The following OR51B5 variants were observed in gnomAD, a reference collection of about 807,000 sequenced individuals.
OR51B5 encodes the protein olfactory receptor 51B5.
For missense variants in OR51B5, 456 were observed against 374.6 expected (o/e 1.22, Z -1.79); for synonymous variants, 186 against 144.8 (o/e 1.28, Z -2.04).
At chr11:5,475,265 T>G (rs1434600163) in intron 1 of OR51B5, among the ~76,000 whole-genome samples, 1 of 152,188 alleles carries the variant, frequency 6.6e-6, no homozygotes, top group Admixed American at 6.5e-5. Flanking sequence ...CGAACACTCA[T>G]ATTGCCTGTA....
intron 1 of OR51B5, chr11:5,455,076 A>G (rs1213603073): frequency 6.6e-6 from 1 of 152,268 alleles, no homozygotes; most frequent in African/African-American, 2.4e-5. Flanking sequence ...CATAAAATGT[A>G]TGAACAAATG....
intron 1 of OR51B5, among the ~76,000 whole-genome samples, chr11:5,369,867 AAC>A (rs1201405370): frequency 2.0e-5 from 3 of 152,220 alleles, no homozygotes; most frequent in African/African-American, 7.2e-5. Context: ...AAAATAAGTC[AAC>A]AGTTGTTAAA....
At chr11:5,461,261 G>A (rs1282831880) in intron 1 of OR51B5, among the ~76,000 whole-genome samples, 1 of 152,192 alleles carries the variant, frequency 6.6e-6, no homozygotes, top group Non-Finnish European at 1.5e-5. Flanking sequence ...CAGGCCAGGG[G>A]GTGGAGGCGA....
chr11:5,389,851 G>C, intron 1 of OR51B5: 1 of 1,613,856 alleles, frequency 6.2e-7, no homozygotes, highest in Non-Finnish European at 8.5e-7. Flanking sequence ...TCACTGGCCA[G>C]CAAGTGGTCA....
At chr11:5,366,504 G>A (rs1016005610) in intron 1 of OR51B5, among the ~76,000 whole-genome samples, 1 of 152,140 alleles carries the variant, frequency 6.6e-6, no homozygotes, top group Non-Finnish European at 1.5e-5. Flanking sequence ...AGCTACACAG[G>A]AGGCTGAGGT....
intron 1 of OR51B5, among the ~76,000 whole-genome samples, chr11:5,427,152 C>T (rs1850463554): frequency 6.7e-6 from 1 of 150,176 alleles, no homozygotes. Flanking sequence ...CTCCTTCTCC[C>T]CTATGAAGAT....
chr11:5,478,501 G>A (rs1462219952), intron 1 of OR51B5, among the ~76,000 whole-genome samples: 1 of 150,952 alleles, frequency 6.6e-6, no homozygotes, highest in Non-Finnish European at 1.5e-5. Flanking sequence ...ACGGAACAAA[G>A]CTGGATGGAG....
intron 1 of OR51B5, among the ~76,000 whole-genome samples, chr11:5,404,508 ATC>A (rs1305352515): frequency 6.6e-6 from 1 of 151,694 alleles, no homozygotes; most frequent in East Asian, 1.9e-4. Flanking sequence ...AAATGGACCA[ATC>A]AGCACTCTGT....
chr11:5,424,855 G>A lies in OR51B5; in HGVS notation n.85-77945C>T, dbSNP rs1371455485. Among the ~76,000 whole-genome samples, 48 of 104,426 alleles carry A rather than the reference G, an allele frequency of 4.6e-4. 9 individuals are homozygous for A. Among genetic ancestry groups the A allele is most frequent in the Non-Finnish European group, 2.9e-4 (13 of 44,892 alleles). 68.5% of individuals were successfully genotyped at this position (104,426 alleles called of 152,430 possible). A position where few individuals can be genotyped will look rare whatever the true frequency, so the allele number is the denominator to read the frequency against. On this transcript the variant is annotated intron_variant and non_coding_transcript_variant, in intron 1 of 4. Transcript: ENST00000415970. ...AAATTAGCCGGGCGTGGTGGCGGGC[G>A]CCTATAGTCCCAGCTACTCAGGAGG...
In OR51B5 at chr11:5,489,365, C is replaced by T. The variant is rs777777053; in HGVS notation, n.84+16204G>A. On this transcript the variant is annotated intron_variant and non_coding_transcript_variant, in intron 1 of 4. Coordinates refer to the OR51B5 transcript ENST00000415970. ...CTGGATTCCATTCTCATTGCCATTT[C>T]CTATGGCTTTATCCTCCATGCAGTC... The T allele has an allele frequency of 7.4e-6, 12 of 1,613,856 alleles. 1 individual carries two copies. In the South Asian group the frequency reaches 1.1e-4, roughly 15 times the overall value.
chr11:5,472,642 G>A (rs1350306856), intron 1 of OR51B5, among the ~76,000 whole-genome samples: 2 of 152,192 alleles, frequency 1.3e-5, no homozygotes, highest in South Asian at 4.1e-4. Context: ...CTCCCACTTA[G>A]AAGTTTCAAA....
chr11:5,371,838 C>A (rs1849453066), intron 1 of OR51B5, among the ~76,000 whole-genome samples: 2 of 152,152 alleles, frequency 1.3e-5, no homozygotes, highest in Non-Finnish European at 2.9e-5. Context: ...ATGCCATACA[C>A]TAGATCTCTA....
chr11:5,389,434 G>A (rs1472768168), intron 1 of OR51B5: 2 of 1,613,882 alleles, frequency 1.2e-6, no homozygotes, highest in South Asian at 2.2e-5. Flanking sequence ...CTCAATTCAT[G>A]CTGCTATCCA....
At chr11:5,370,823 A>T (rs1266043356) in intron 1 of OR51B5, among the ~76,000 whole-genome samples, 1 of 152,236 alleles carries the variant, frequency 6.6e-6, no homozygotes, top group Non-Finnish European at 1.5e-5. Context: ...AGAGAATAAC[A>T]AAATTTATGT....
intron 1 of OR51B5, among the ~76,000 whole-genome samples, chr11:5,502,312 TTC>T (rs1466076537): frequency 1.3e-5 from 2 of 152,204 alleles, no homozygotes; most frequent in Non-Finnish European, 2.9e-5. Context: ...CTCCCTCTCA[TTC>T]TCTGTACTCC....
intron 1 of OR51B5, among the ~76,000 whole-genome samples, chr11:5,491,849 T>A (rs1286519473): frequency 6.6e-6 from 1 of 152,170 alleles, no homozygotes; most frequent in Non-Finnish European, 1.5e-5. Context: ...AGCTTTTGAG[T>A]ATAGATAGAT....
chr11:5,487,001 T>C (rs1439838004), intron 1 of OR51B5, among the ~76,000 whole-genome samples: 2 of 152,152 alleles, frequency 1.3e-5, no homozygotes, highest in African/African-American at 4.8e-5. Context: ...GCACTAGGAA[T>C]TGATATTAGA....
chr11:5,349,230 A>C (rs1849037985), intron 1 of OR51B5, among the ~76,000 whole-genome samples: 1 of 152,138 alleles, frequency 6.6e-6, no homozygotes, highest in Admixed American at 6.6e-5. Context: ...GAAAGCACTC[A>C]GTTTTCAATA....
At chr11:5,504,902 C>T (rs896256762) in intron 1 of OR51B5, among the ~76,000 whole-genome samples, 4 of 152,148 alleles carry the variant, frequency 2.6e-5, no homozygotes, top group African/African-American at 9.7e-5. Context: ...GCAAGGATTC[C>T]AAGCACCCAG....
Sources: gnomAD v4.1 joint callset for allele counts (sites outside exome capture counted in the v4.1 genomes callset) on GRCh38, gnomAD v4.1.1 for gene constraint, MANE v1.5 for transcripts, NCBI Gene and HGNC (gene_info 2026-07-23, HGNC 2026-07-21) for gene names.